Variants in ATF3 observed in about 807,000 individuals in gnomAD.
ATF3 encodes activating transcription factor 3.
Under a neutral mutation model 18.4 loss-of-function variants are expected in ATF3, and 10 were observed. That is an observed-to-expected ratio of 0.54 (90% CI 0.34 to 0.92). The LOEUF (loss-of-function observed/expected upper bound fraction) is 0.92. Among genes scored for constraint, ATF3 ranks in the 40% least tolerant of loss-of-function variants. ATF3 has a pLI of 0.02. For synonymous variants in ATF3, 78 were observed against 87.9 expected, an observed-to-expected ratio of 0.89 and a Z score of 0.63; for missense variants, 183 against 222.3, an observed-to-expected ratio of 0.82 and a Z score of 1.12.
At position 212,571,470 on chromosome 1, in the gene ATF3, C is replaced by T. The variant is rs563953045; in HGVS notation, c.-5+5987C>T. On this transcript the variant is annotated intron_variant, in intron 1 of 3. Coordinates refer to the ATF3 transcript ENST00000366981. ...TTGCCCAGGCTGGAGTGCAGTGGTG[C>T]GATCTCAGCTTACTGCAACCTCCGC... Among the ~76,000 whole-genome samples the T allele has an allele frequency of 4.6e-5, 7 of 152,106 alleles. No individual in the cohort carries two copies. In the South Asian group the frequency reaches 1.2e-3, roughly 27 times the overall value.
chr1:212,578,128 T>A (rs900038610), intron 1 of ATF3, among the ~76,000 whole-genome samples: 12 of 152,244 alleles, frequency 7.9e-5, no homozygotes, highest in African/African-American at 2.9e-4. Flanking sequence ...ATGTGTGAGG[T>A]GATACCTGTT....
In ATF3 at chr1:212,619,304, C is replaced by A; in HGVS notation, c.349-54C>A. ...ATCCAGGCAGCAGCCCAGGCCACCC[C>A]CTCCTCACTGGCCCTTGGCTCCTTT... On this transcript the variant is annotated intron_variant, in intron 3 of 3. Coordinates refer to ENST00000341491, the MANE Select transcript of ATF3 (RefSeq NM_001674.4). This position sits in a 1 kb window ranked among gnomAD's most constrained non-coding sequence, Gnocchi z 4.4. 6.2e-7 allele frequency: 1 copy of A among 1,612,006 alleles called. No homozygotes were observed. The highest frequency in any genetic ancestry group is 8.5e-7 in the Non-Finnish European group (1 of 1,179,942).
At chr1:212,607,908 TAA>T (rs566547736), upstream of ATF3, among the ~76,000 whole-genome samples, 3 of 147,254 alleles carry the variant, frequency 2.0e-5, no homozygotes, top group Admixed American at 6.7e-5. Flanking sequence ...TTTGTGATTG[TAA>T]AAAAAAAAAA....
chr1:212,577,156 C>T (rs1290040347), intron 1 of ATF3, among the ~76,000 whole-genome samples: 1 of 151,996 alleles, frequency 6.6e-6, no homozygotes, highest in African/African-American at 2.4e-5. Flanking sequence ...ATTTATTTTC[C>T]CTCTGCACTT....
At position 212,591,348 on chromosome 1, in the gene ATF3, C is replaced by A. The variant is rs180782891; in HGVS notation, c.-4-23670C>A. Reference sequence around the variant, plus strand: ...AACAACTGCCACCAGGCTCCTCTTGCAAGGGAGAAAATCTAAAGTGATATC... The same window carrying A: ...AACAACTGCCACCAGGCTCCTCTTGAAAGGGAGAAAATCTAAAGTGATATC... On this transcript the variant is annotated intron_variant, in intron 1 of 3. Coordinates refer to the ATF3 transcript ENST00000366981. Among the ~76,000 whole-genome samples, 68 of 152,300 alleles carry A rather than the reference C, an allele frequency of 4.5e-4. 2 individuals are homozygous for A. The highest frequency in any genetic ancestry group is 4.1e-3 in the Admixed American group (62 of 15,298).
At chr1:212,605,381 G>A (rs75244718), upstream of ATF3, among the ~76,000 whole-genome samples, 560 of 152,224 alleles carry the variant, frequency 3.7e-3, 2 homozygotes, top group East Asian at 0.023. Context: ...AGTGAGCTTC[G>A]GAAACAGAAT....
chr1:212,616,541 G>A (rs372708250), intron 2 of ATF3, among the ~76,000 whole-genome samples: 5 of 152,154 alleles, frequency 3.3e-5, no homozygotes, highest in Admixed American at 6.5e-5. Flanking sequence ...CAGGTAATCC[G>A]CCCGCCTCGG....
At chr1:212,581,053 G>A (rs1664675226) in intron 1 of ATF3, among the ~76,000 whole-genome samples, 2 of 152,232 alleles carry the variant, frequency 1.3e-5, no homozygotes, top group South Asian at 2.1e-4. Context: ...ACAGGCGTGC[G>A]CCACTGCACC....
In ATF3 at chr1:212,571,687, G is replaced by C. The variant is rs560942462; in HGVS notation, c.-5+6204G>C. On this transcript the variant is annotated intron_variant, in intron 1 of 3. Transcript: ENST00000366981. The stretch of plus-strand genomic sequence containing the variant: ...GGCCTCCCAAAGTGCTGGGATTACA[G>C]ACGTGAACCACCGCGCCCAGCCAAT... Among the ~76,000 whole-genome samples, 19 of 148,856 alleles carry C rather than the reference G, an allele frequency of 1.3e-4. No homozygotes were observed. In the East Asian group the frequency reaches 3.8e-3, roughly 30 times the overall value.
At chr1:212,567,342 C>T (rs747312776) in intron 1 of ATF3, among the ~76,000 whole-genome samples, 19 of 152,162 alleles carry the variant, frequency 1.2e-4, no homozygotes, top group Non-Finnish European at 1.8e-4. Flanking sequence ...AGTGTTTACA[C>T]GGCAGTGGGC....
intron 1 of ATF3, among the ~76,000 whole-genome samples, chr1:212,584,651 A>G (rs1664746397): frequency 6.6e-6 from 1 of 152,186 alleles, no homozygotes; most frequent in African/African-American, 2.4e-5. Flanking sequence ...GTCACCCAAA[A>G]TGCCCTCACA....
chr1:212,594,726 G>A (rs550906171), intron 1 of ATF3, among the ~76,000 whole-genome samples: 6 of 152,316 alleles, frequency 3.9e-5, no homozygotes, highest in South Asian at 2.1e-4. Context: ...GAGATGAAGC[G>A]CCCCGCCTGA....
intron 1 of ATF3, among the ~76,000 whole-genome samples, chr1:212,601,732 A>G (rs904314652): frequency 2.6e-5 from 4 of 152,218 alleles, no homozygotes; most frequent in Admixed American, 2.6e-4. Context: ...ACCTGGCCAC[A>G]CATCAAGTTT....
intron 1 of ATF3, among the ~76,000 whole-genome samples, chr1:212,566,585 G>C (rs1337953790): frequency 6.6e-6 from 1 of 152,130 alleles, no homozygotes; most frequent in African/African-American, 2.4e-5. Context: ...GGGCATAGAG[G>C]GGGTGGAGGT....
chr1:212,591,218 C>CT (rs1401094980), intron 1 of ATF3, among the ~76,000 whole-genome samples: 1 of 152,166 alleles, frequency 6.6e-6, no homozygotes, highest in Non-Finnish European at 1.5e-5. Context: ...ACCCATCTTC[C>CT]TAACGGAGCC....
At chr1:212,573,271 T>G (rs1664517128) in intron 1 of ATF3, among the ~76,000 whole-genome samples, 1 of 152,134 alleles carries the variant, frequency 6.6e-6, no homozygotes. Flanking sequence ...CTTTTTGTTA[T>G]GTTAATAAAA....
At chr1:212,580,637 T>C (rs944334164) in intron 1 of ATF3, among the ~76,000 whole-genome samples, 1 of 152,194 alleles carries the variant, frequency 6.6e-6, no homozygotes, top group African/African-American at 2.4e-5. Context: ...TGATAGTCAT[T>C]CTTCACTCTG....
At chr1:212,583,068 G>A (rs537433310) in intron 1 of ATF3, among the ~76,000 whole-genome samples, 40 of 152,292 alleles carry the variant, frequency 2.6e-4, no homozygotes, top group Admixed American at 1.4e-3. Context: ...CTAGGGGAGA[G>A]CATAGGCTGT....
intron 2 of ATF3, among the ~76,000 whole-genome samples, chr1:212,615,871 C>A (rs1051418269): frequency 6.7e-6 from 1 of 149,256 alleles, no homozygotes; most frequent in African/African-American, 2.5e-5. Flanking sequence ...CTCATTGTAG[C>A]CTCAGTCTCC....
Sources: gnomAD v4.1 joint callset for allele counts (sites outside exome capture counted in the v4.1 genomes callset) on GRCh38, gnomAD v4.1.1 for gene constraint, Gnocchi (gnomAD v3.1) non-coding constraint, MANE v1.5 for transcripts, NCBI Gene and HGNC (gene_info 2026-07-23, HGNC 2026-07-21) for gene names.